The following COBL variants were observed in gnomAD, a reference collection of about 807,000 sequenced individuals.
COBL encodes the protein cordon-bleu WH2 repeat protein, also known as protein cordon-bleu.
A neutral mutation model predicts 98.8 loss-of-function variants in COBL; 51 were observed. The observed-to-expected ratio is 0.52, with a 90% confidence interval of 0.41 to 0.65. The LOEUF (loss-of-function observed/expected upper bound fraction) is 0.65, where lower values mean the gene tolerates loss of function less well. Ranked by LOEUF, COBL falls within the 30% of genes least tolerant of loss-of-function variation. The pLI is 0.00. For synonymous variants in COBL, 634 were observed against 651.7 expected, an observed-to-expected ratio of 0.97 and a Z score of 0.41; for missense variants, 1,617 against 1,617.5, an observed-to-expected ratio of 1.00 and a Z score of 0.01.
At position 51,025,307 on chromosome 7, in the gene COBL, C is replaced by T. The variant is rs555546127; in HGVS notation, c.3570G>A (p.Ser1190=). 1.6e-4 allele frequency: 254 copies of T among 1,612,630 alleles called. 1 individual carries two copies. The South Asian group carries it at 2.3e-3, about 15-fold the overall frequency. Reference sequence around the variant, plus strand: ...CAAGGTCTTCTAGCAGAGGACTTTCCGAGCCCTGAGCAGAGAGTGCGGCAT... The same window carrying T: ...CAAGGTCTTCTAGCAGAGGACTTTCTGAGCCCTGAGCAGAGAGTGCGGCAT... The part of the protein sequence containing the change: ...FRDAALSAQG[S]ESPLLEDLGL... Residue 1190 remains serine (S), a synonymous_variant, in exon 12 of 13, where the codon TCG becomes TCA. Transcript: ENST00000265136.
intron 5 of COBL, among the ~76,000 whole-genome samples, chr7:51,145,295 T>C (rs1421810651): frequency 6.7e-6 from 1 of 150,174 alleles, no homozygotes; most frequent in Non-Finnish European, 1.5e-5. Context: ...GGATCATAGG[T>C]GTGAGCCACC....
chr7:51,270,978 G>C (rs961878141), intron 1 of COBL, among the ~76,000 whole-genome samples: 7 of 152,162 alleles, frequency 4.6e-5, no homozygotes, highest in Non-Finnish European at 7.3e-5. Context: ...GAGCTAAGGA[G>C]TGTGTACAAG....
intron 2 of COBL, among the ~76,000 whole-genome samples, chr7:51,198,786 T>C (rs2129062823): frequency 6.6e-6 from 1 of 152,324 alleles, no homozygotes; most frequent in African/African-American, 2.4e-5. Flanking sequence ...ACAGGAAGTC[T>C]CTGGCTCATG....
At chr7:51,057,351 CAT>C (rs1391330727) in intron 7 of COBL, among the ~76,000 whole-genome samples, 2 of 145,686 alleles carry the variant, frequency 1.4e-5, no homozygotes, top group South Asian at 2.2e-4. Context: ...CACACACACA[CAT>C]ATATTCAGTG....
Position 51,029,392 on chromosome 7 carries a change from G to C in COBL, c.1704C>G (p.Asp568Glu). ...CTCTCCTGCTGGCAACACCCTCCGAGTCGAAAGACCCAGCATTGTTGTTTC... is the reference window on the plus strand; with the variant it reads ...CTCTCCTGCTGGCAACACCCTCCGACTCGAAAGACCCAGCATTGTTGTTTC... Reference protein sequence around the residue: ...SNRNNNAGSFDSEGVASRRDS... With the variant: ...SNRNNNAGSFESEGVASRRDS... Residue 568 changes from aspartate to glutamate, a missense_variant, in exon 10 of 13, where the codon GAC becomes GAG. By Grantham distance (45) the Asp-to-Glu change is conservative (BLOSUM62 2). Coordinates refer to ENST00000265136, the MANE Select transcript of COBL (RefSeq NM_015198.5). 7 of 1,613,120 alleles carry C rather than the reference G, an allele frequency of 4.3e-6. No individual in the cohort carries two copies. The highest frequency in any genetic ancestry group is 1.7e-4 in the Middle Eastern group (1 of 6,056).
intron 1 of COBL, among the ~76,000 whole-genome samples, chr7:51,262,306 C>G (rs1797794511): frequency 6.6e-6 from 1 of 152,154 alleles, no homozygotes; most frequent in Non-Finnish European, 1.5e-5. Flanking sequence ...GAGGGGCAGA[C>G]TCTTCAAAGG....
At chr7:51,271,910 T>A (rs1362807059) in intron 1 of COBL, among the ~76,000 whole-genome samples, 4 of 152,018 alleles carry the variant, frequency 2.6e-5, no homozygotes, top group African/African-American at 9.7e-5. Context: ...GTGCCTGTAA[T>A]CCCAGCTACT....
At chr7:51,025,692 TCATTTACAAG>T (rs1393706263) in intron 11 of COBL, among the ~76,000 whole-genome samples, 4 of 152,188 alleles carry the variant, frequency 2.6e-5, no homozygotes, top group Admixed American at 1.3e-4. Context: ...TAAAATTCTG[TCATTTACAAG>T]CCACCCAGTC....
Position 51,165,733 on chromosome 7 carries a change from A to G in COBL, c.783+18369T>C, listed in dbSNP as rs150738373. ...TGTTAAGTCACAAAACAAGTCTTAA[A>G]ACATTTTTAAAAACTGAAATAATAT... is the stretch of plus-strand genomic sequence containing the variant. On this transcript the variant is annotated intron_variant, in intron 5 of 12. Coordinates refer to ENST00000265136, the MANE Select transcript of COBL (RefSeq NM_015198.5). Among the ~76,000 whole-genome samples, 5 of 152,110 alleles carry G rather than the reference A, an allele frequency of 3.3e-5. No individual in the cohort carries two copies. In the East Asian group the frequency reaches 9.6e-4, roughly 29 times the overall value.
intron 6 of COBL, among the ~76,000 whole-genome samples, chr7:51,099,089 A>C (rs2128960249): frequency 6.6e-6 from 1 of 151,342 alleles, no homozygotes; most frequent in African/African-American, 2.4e-5. Context: ...GATGGCCACT[A>C]TCAAAAAAAA....
chr7:51,083,055 T>C, intron 7 of COBL: 2 of 1,535,934 alleles, frequency 1.3e-6, no homozygotes, highest in Non-Finnish European at 1.7e-6. Context: ...AAGAGGAACA[T>C]ACGTTTGGGT....
In COBL at chr7:51,108,917, GAC is replaced by G. The variant is rs1159629618; in HGVS notation, c.958-23615_958-23614del. Among the ~76,000 whole-genome samples, 184 of 57,894 alleles carry G rather than the reference GAC, an allele frequency of 3.2e-3. 2 individuals carry two copies. Among genetic ancestry groups the G allele is most frequent in the South Asian group, 0.029 (43 of 1,506 alleles). 38.0% of individuals were successfully genotyped at this position (57,894 alleles called of 152,430 possible). Reference sequence around the variant, plus strand: ...ACAAAGATACACACACTGACACATAGACACACACACACACACACACACACACA... The same window carrying G: ...ACAAAGATACACACACTGACACATAGACACACACACACACACACACACACA... On this transcript the variant is annotated intron_variant, in intron 6 of 12. Coordinates refer to ENST00000265136, the MANE Select transcript of COBL (RefSeq NM_015198.5).
intron 7 of COBL, among the ~76,000 whole-genome samples, chr7:51,070,107 C>T (rs549998478): frequency 6.6e-6 from 1 of 152,082 alleles, no homozygotes; most frequent in African/African-American, 2.4e-5. Flanking sequence ...AAAATCAACA[C>T]AGAAGTAACA....
chr7:51,316,374 G>A (rs1299279111), intron 1 of COBL: 1 of 331,048 alleles, frequency 3.0e-6, no homozygotes, highest in African/African-American at 2.2e-5. Flanking sequence ...GCCCGACACG[G>A]TTACCTGGGC....
intron 1 of COBL, among the ~76,000 whole-genome samples, chr7:51,242,124 A>G (rs892511829): frequency 2.0e-5 from 3 of 152,140 alleles, no homozygotes; most frequent in African/African-American, 2.4e-5. Context: ...TCAGCTTCTG[A>G]TTGGTCACTT....
intron 6 of COBL, among the ~76,000 whole-genome samples, chr7:51,109,250 T>C (rs1796615394): frequency 6.6e-6 from 1 of 152,116 alleles, no homozygotes; most frequent in Non-Finnish European, 1.5e-5. Context: ...CATTCTTATT[T>C]CCCCAACTAC....
chr7:51,068,575 G>A (rs186905964), intron 7 of COBL, among the ~76,000 whole-genome samples: 12 of 152,246 alleles, frequency 7.9e-5, no homozygotes, highest in African/African-American at 2.2e-4. Flanking sequence ...ATACACATAC[G>A]CAGATTAAAA....
rs1786379710 is a variant in COBL at position 51,017,421 on chromosome 7, A to G, written c.*130T>C. 9 of 768,056 alleles carry G rather than the reference A, an allele frequency of 1.2e-5. No homozygotes were observed. Among genetic ancestry groups the G allele is most frequent in the South Asian group, 1.1e-4 (8 of 70,858 alleles). The allele number at this position is 768,056 out of a possible 1,614,324, so 47.6% of individuals were successfully genotyped here. On this transcript the variant is annotated 3_prime_UTR_variant, in exon 13 of 13. Coordinates refer to ENST00000265136, the MANE Select transcript of COBL (RefSeq NM_015198.5). ...TTATACAGGAACACACCGAAAATCA[A>G]CTGTGCGCATTTGGCCTGTAGACAA...
At chr7:51,022,036 G>A (rs926069231) in intron 12 of COBL, among the ~76,000 whole-genome samples, 1 of 152,096 alleles carries the variant, frequency 6.6e-6, no homozygotes, top group Non-Finnish European at 1.5e-5. Context: ...CCCTCCTAGG[G>A]CAGGCTTTCT....
Sources: allele counts gnomAD v4.1 joint callset (sites outside exome capture counted in the v4.1 genomes callset), GRCh38; gene constraint gnomAD v4.1.1; transcripts MANE v1.5; gene names NCBI Gene and HGNC (gene_info 2026-07-23, HGNC 2026-07-21).